Variants in CTNND2 observed in about 807,000 individuals in gnomAD.
CTNND2 encodes catenin delta-2.
In CTNND2, 22 loss-of-function variants were observed where a neutral mutation model predicts 144.4. The ratio of observed to expected loss-of-function variants is 0.15; its 90% CI spans 0.11 to 0.22. The LOEUF is 0.22. Among genes scored for constraint, CTNND2 ranks in the 10% least tolerant of loss-of-function variants. The pLI is 1.00. For synonymous variants in CTNND2, 751 were observed against 695.6 expected (o/e 1.08, Z -1.25); for missense variants, 1,353 against 1,618.8 (o/e 0.84, Z 2.82).
chr5:11,559,532 G>T (rs1164055176), intron 3 of CTNND2, among the ~76,000 whole-genome samples: 1 of 152,138 alleles, frequency 6.6e-6, no homozygotes, highest in Non-Finnish European at 1.5e-5. Flanking sequence ...GGTCTTACCT[G>T]GAGGATTCAC....
intron 16 of CTNND2, among the ~76,000 whole-genome samples, chr5:11,028,361 T>TA (rs1743084358): frequency 6.6e-6 from 1 of 152,178 alleles, no homozygotes; most frequent in Non-Finnish European, 1.5e-5. Context: ...TTATTTTTTC[T>TA]AAAAAACTTC....
At chr5:11,369,547 T>C (rs1001236385) in intron 7 of CTNND2, among the ~76,000 whole-genome samples, 1 of 152,224 alleles carries the variant, frequency 6.6e-6, no homozygotes, top group Non-Finnish European at 1.5e-5. Context: ...ATTTTACATC[T>C]ATCATTTGTA....
intron 9 of CTNND2, among the ~76,000 whole-genome samples, chr5:11,306,317 T>A (rs1393628473): frequency 6.6e-6 from 1 of 152,232 alleles, no homozygotes; most frequent in East Asian, 1.9e-4. Flanking sequence ...TGTTCTTAAG[T>A]ATTTGCCATG....
chr5:11,325,286 C>CAT (rs542372475), intron 9 of CTNND2, among the ~76,000 whole-genome samples: 15 of 151,852 alleles, frequency 9.9e-5, no homozygotes, highest in South Asian at 4.2e-4. Context: ...AACCAACACA[C>CAT]ATATATATAT....
intron 3 of CTNND2, among the ~76,000 whole-genome samples, chr5:11,422,014 C>T (rs951919419): frequency 3.9e-5 from 6 of 152,072 alleles, no homozygotes; most frequent in Non-Finnish European, 8.8e-5. Flanking sequence ...CAGGACTGCC[C>T]CCGCACTCCA....
intron 9 of CTNND2, among the ~76,000 whole-genome samples, chr5:11,315,159 A>G (rs946850911): frequency 6.6e-6 from 1 of 152,204 alleles, no homozygotes; most frequent in Non-Finnish European, 1.5e-5. Context: ...AATGAAATCC[A>G]TCAGTTTAGA....
At chr5:11,320,998 A>AAAT (rs1751975831) in intron 9 of CTNND2, among the ~76,000 whole-genome samples, 1 of 152,172 alleles carries the variant, frequency 6.6e-6, no homozygotes, top group Non-Finnish European at 1.5e-5. Flanking sequence ...GTTATGCAAT[A>AAAT]AATAATATTT....
chr5:11,800,560 G>C lies in CTNND2; in HGVS notation c.38-68288C>G, dbSNP rs149865231. Among the ~76,000 whole-genome samples the C allele has an allele frequency of 4.5e-3, 679 of 152,204 alleles. 9 individuals are homozygous for C. Among genetic ancestry groups the C allele is most frequent in the African/African-American group, 0.016 (656 of 41,544 alleles). ...CAGACCTTTACTGTGATACTACTGT[G>C]TGCCAGACACTCTACTGAGCACCAA... On this transcript the variant is annotated intron_variant, in intron 1 of 21. Coordinates refer to ENST00000304623, the MANE Select transcript of CTNND2 (RefSeq NM_001332.4).
chr5:11,313,990 C>T lies in CTNND2; in HGVS notation c.1628+32382G>A, dbSNP rs180793400. Among the ~76,000 whole-genome samples the T allele has an allele frequency of 6.2e-4, 95 of 152,182 alleles. 1 individual carries two copies. Among genetic ancestry groups the T allele is most frequent in the African/African-American group, 2.2e-3 (91 of 41,494 alleles). On this transcript the variant is annotated intron_variant, in intron 9 of 21. Coordinates refer to ENST00000304623, the MANE Select transcript of CTNND2 (RefSeq NM_001332.4). ...CTAGAACAGCAAGGGGGAAATCCAC[C>T]CCCAAGATCCAATCATCTCCCACCA... is the stretch of plus-strand genomic sequence containing the variant.
intron 9 of CTNND2, among the ~76,000 whole-genome samples, chr5:11,286,039 T>C (rs1747713120): frequency 1.3e-5 from 2 of 151,956 alleles, no homozygotes; most frequent in East Asian, 1.9e-4. Flanking sequence ...TTTCCAGCAA[T>C]TGATATCCAC....
chr5:11,519,298 A>G (rs1284995772), intron 3 of CTNND2, among the ~76,000 whole-genome samples: 7 of 152,136 alleles, frequency 4.6e-5, no homozygotes, highest in Non-Finnish European at 7.4e-5. Context: ...ACCTACTTTA[A>G]TTGGACTTTT....
At chr5:11,806,462 G>T (rs191757911) in intron 1 of CTNND2, among the ~76,000 whole-genome samples, 10 of 152,258 alleles carry the variant, frequency 6.6e-5, no homozygotes, top group African/African-American at 2.2e-4. Context: ...GATCAGAGAT[G>T]TCATAGTATC....
intron 10 of CTNND2, among the ~76,000 whole-genome samples, chr5:11,213,177 T>C (rs930784882): frequency 2.6e-5 from 4 of 152,162 alleles, no homozygotes; most frequent in African/African-American, 9.7e-5. Context: ...AGCTCTGTGT[T>C]CTGAGCCCCA....
At chr5:11,022,722 G>C in intron 17 of CTNND2, 47 bp downstream of exon 17, 1 of 1,503,086 alleles carries the variant, frequency 6.7e-7, no homozygotes, top group Non-Finnish European at 9.3e-7. Flanking sequence ...GGCACATTCA[G>C]AACCAATTTT....
chr5:11,311,144 A>T (rs1750786020), intron 9 of CTNND2, among the ~76,000 whole-genome samples: 4 of 112,202 alleles, frequency 3.6e-5, no homozygotes, highest in Admixed American at 1.0e-4. Context: ...ACACTGTCAC[A>T]CTCTCTCCAT....
At chr5:11,311,929 CCA>C (rs750203180) in intron 9 of CTNND2, among the ~76,000 whole-genome samples, 20 of 111,416 alleles carry the variant, frequency 1.8e-4, no homozygotes, top group East Asian at 5.1e-4. Flanking sequence ...TCCTCGCCCC[CCA>C]CACACACTCA....
intron 14 of CTNND2, among the ~76,000 whole-genome samples, chr5:11,104,558 G>T (rs739955): frequency 0.073 from 11,179 of 152,198 alleles, 546 homozygotes; most frequent in Non-Finnish European, 0.1. Flanking sequence ...CTTTTGGGGG[G>T]TTAAAGGTGG....
chr5:11,054,226 C>T (rs1746130527), intron 16 of CTNND2, among the ~76,000 whole-genome samples: 1 of 152,164 alleles, frequency 6.6e-6, no homozygotes, highest in Non-Finnish European at 1.5e-5. Flanking sequence ...AACTCAGGGC[C>T]TGCCAAGTTC....
intron 9 of CTNND2, among the ~76,000 whole-genome samples, chr5:11,312,277 C>T (rs528742867): frequency 5.9e-5 from 9 of 151,478 alleles, no homozygotes; most frequent in Non-Finnish European, 1.0e-4. Context: ...CCCCCTACCC[C>T]CCCAACACAC....
Sources: gnomAD v4.1 joint callset for allele counts (sites outside exome capture counted in the v4.1 genomes callset) on GRCh38, gnomAD v4.1.1 for gene constraint, MANE v1.5 for transcripts, NCBI Gene and HGNC (gene_info 2026-07-23, HGNC 2026-07-21) for gene names.